The following TMOD2 variants were observed in gnomAD, a reference collection of about 807,000 sequenced individuals.
The protein encoded by TMOD2 is tropomodulin 2.
A neutral mutation model predicts 39.9 loss-of-function variants in TMOD2; 22 were observed. The ratio of observed to expected loss-of-function variants is 0.55; its 90% CI spans 0.39 to 0.79. The LOEUF is 0.79. Ranked by LOEUF, TMOD2 falls within the 30% of genes least tolerant of loss-of-function variation. The pLI, the probability that TMOD2 is intolerant of heterozygous loss-of-function variation, is 0.00. For missense variants in TMOD2, 386 were observed against 413.3 expected, an observed-to-expected ratio of 0.93 and a Z score of 0.57; for synonymous variants, 123 against 146.1, an observed-to-expected ratio of 0.84 and a Z score of 1.14.
chr15:51,774,494 C>T (rs936442786), intron 4 of TMOD2, among the ~76,000 whole-genome samples: 7 of 152,176 alleles, frequency 4.6e-5, no homozygotes, highest in African/African-American at 1.7e-4. Context: ...GATAGAGGTG[C>T]TTTAAAAACC....
intron 5 of TMOD2, among the ~76,000 whole-genome samples, chr15:51,778,189 G>A (rs566045465): frequency 6.6e-6 from 1 of 151,832 alleles, no homozygotes; most frequent in East Asian, 1.9e-4. Context: ...CCTTTGTAGG[G>A]ACATGGATGA....
chr15:51,778,886 A>T (rs2055909697), intron 5 of TMOD2, among the ~76,000 whole-genome samples: 2 of 151,908 alleles, frequency 1.3e-5, no homozygotes, highest in Non-Finnish European at 2.9e-5. Flanking sequence ...GACTTGGGAG[A>T]TGCTTTCTAA....
chr15:51,798,236 A>G lies in TMOD2; in HGVS notation c.772A>G (p.Ser258Gly). Residue 258 changes from serine to glycine, a missense_variant, in exon 8 of 10, where the codon AGT (serine) becomes GGT (glycine). Ser to Gly is a moderately conservative substitution (Grantham distance 56). Transcript: ENST00000249700. ...GCTGAAAGTAAACAAGACCTTGACA[A>G]GTCTAAACATAGAATCCAATTTTAT... is the stretch of plus-strand genomic sequence containing the variant. ...DMLKVNKTLT[S>G]LNIESNFITG... is the part of the protein sequence containing the mutation. 6.2e-7 allele frequency: 1 copy of G among 1,613,382 alleles called. No individual in the cohort carries two copies. Among genetic ancestry groups the G allele is most frequent in the South Asian group, 1.1e-5 (1 of 90,882 alleles).
At chr15:51,785,453 T>G (rs1595872077) in intron 7 of TMOD2, among the ~76,000 whole-genome samples, 1 of 142,886 alleles carries the variant, frequency 7.0e-6, no homozygotes, top group African/African-American at 2.6e-5. Context: ...ATGAAGAAAA[T>G]GTGGTATATA....
At chr15:51,776,873 A>T (rs2055892598) in intron 4 of TMOD2, 59 bp from the exon 5 acceptor site, 1 of 1,357,758 alleles carries the variant, frequency 7.4e-7, no homozygotes, top group Non-Finnish European at 1.1e-6. Context: ...ACAAATTAAC[A>T]ATGTGGACAT....
At chr15:51,803,920 T>C (rs1267121204) in intron 8 of TMOD2, among the ~76,000 whole-genome samples, 2 of 152,240 alleles carry the variant, frequency 1.3e-5, no homozygotes, top group African/African-American at 2.4e-5. Flanking sequence ...GAAAGAAATA[T>C]AAATTTTCAC....
At chr15:51,757,828 T>A (rs758653585) in intron 1 of TMOD2, among the ~76,000 whole-genome samples, 7 of 152,212 alleles carry the variant, frequency 4.6e-5, no homozygotes, top group Non-Finnish European at 1.0e-4. Context: ...GAATACTGCA[T>A]TCTTCTCCAC....
chr15:51,793,885 C>G (rs1483734202), intron 7 of TMOD2, among the ~76,000 whole-genome samples: 1 of 152,158 alleles, frequency 6.6e-6, no homozygotes, highest in Non-Finnish European at 1.5e-5. Context: ...CTGATGCATC[C>G]CTCTCTGATG....
At position 51,776,917 on chromosome 15, in the gene TMOD2, G is replaced by T; in HGVS notation, c.407-15G>T. Reference sequence around the variant, plus strand: ...GCTTCTCCAAACTTAATGCTCATTTGTTGACTGTTTTTAGCTGTCCTTGGA... The same window carrying T: ...GCTTCTCCAAACTTAATGCTCATTTTTTGACTGTTTTTAGCTGTCCTTGGA... On this transcript the variant is annotated splice_polypyrimidine_tract_variant and intron_variant, in intron 4 of 9. Coordinates refer to ENST00000249700, the MANE Select transcript of TMOD2 (RefSeq NM_014548.4). 6.2e-7 allele frequency: 1 copy of T among 1,610,740 alleles called. No homozygotes were observed. The highest frequency in any genetic ancestry group is 8.5e-7 in the Non-Finnish European group (1 of 1,177,086).
intron 1 of TMOD2, 83 bp downstream of exon 1, chr15:51,751,795 T>C (rs2141607474): frequency 6.6e-6 from 1 of 150,514 alleles, no homozygotes; most frequent in Admixed American, 6.6e-5. Flanking sequence ...GTGGCCGCCG[T>C]GCCCTCCCTG....
At chr15:51,758,012 C>T (rs528382576) in intron 1 of TMOD2, among the ~76,000 whole-genome samples, 1 of 151,978 alleles carries the variant, frequency 6.6e-6, no homozygotes, top group East Asian at 1.9e-4. Flanking sequence ...CTCAGGAGTA[C>T]AAGGCTGCAG....
intron 5 of TMOD2, among the ~76,000 whole-genome samples, chr15:51,779,834 T>A (rs1344839364): frequency 2.0e-5 from 3 of 151,964 alleles, no homozygotes; most frequent in Non-Finnish European, 1.5e-5. Flanking sequence ...GCATGAACCA[T>A]TACACCTGGC....
At chr15:51,758,346 T>G (rs1288004516) in intron 1 of TMOD2, among the ~76,000 whole-genome samples, 1 of 152,144 alleles carries the variant, frequency 6.6e-6, no homozygotes, top group Non-Finnish European at 1.5e-5. Flanking sequence ...GAACCATACA[T>G]GCAACATACA....
chr15:51,768,424 G>A lies in TMOD2; in HGVS notation c.283+6G>A, dbSNP rs369222852. The A allele has an allele frequency of 3.1e-6, 5 of 1,612,306 alleles. No individual in the cohort carries two copies. The highest frequency in any genetic ancestry group is 4.2e-6 in the Non-Finnish European group (5 of 1,179,498). On this transcript the variant is annotated splice_donor_region_variant and intron_variant, in intron 3 of 9. Coordinates refer to ENST00000249700, the MANE Select transcript of TMOD2 (RefSeq NM_014548.4). ...CTTCACTGGAGAAAAGAAAGGTAAG[G>A]ACCACAGGCAGAGCATCTTGGAACA...
At chr15:51,766,608 A>G (rs2055818251) in intron 2 of TMOD2, 41 bp downstream of exon 2, 3 of 1,595,506 alleles carry the variant, frequency 1.9e-6, no homozygotes, top group Non-Finnish European at 1.7e-6. Context: ...TAATGATAGT[A>G]TGGATAAATG....
Position 51,814,636 on chromosome 15 carries a change from A to G in TMOD2, c.*6182A>G, listed in dbSNP as rs895093619. Reference sequence around the variant, plus strand: ...CACCATGTGATATTTTTGAGAAACAATAGTGATTTGGATGCCAGCTCTATG... The same window carrying G: ...CACCATGTGATATTTTTGAGAAACAGTAGTGATTTGGATGCCAGCTCTATG... On this transcript the variant is annotated 3_prime_UTR_variant, in exon 10 of 10. Transcript: ENST00000249700. The G allele has an allele frequency of 4.6e-5, 7 of 152,226 alleles. No individual in the cohort carries two copies. Among genetic ancestry groups the G allele is most frequent in the South Asian group, 2.1e-4 (1 of 4,828 alleles). The allele number at this position is 152,226 out of a possible 1,614,324, so 9.4% of individuals were successfully genotyped here.
At chr15:51,807,957 C>T (rs1175216897) in intron 9 of TMOD2, among the ~76,000 whole-genome samples, 1 of 152,144 alleles carries the variant, frequency 6.6e-6, no homozygotes, top group African/African-American at 2.4e-5. Context: ...TAGGTTGATA[C>T]TTAGAAGTTT....
chr15:51,769,324 A>T (rs74973127), intron 3 of TMOD2, among the ~76,000 whole-genome samples: 4,279 of 152,274 alleles, frequency 0.028, 87 homozygotes, highest in Non-Finnish European at 0.044. Flanking sequence ...CATGTCCAGG[A>T]TGGCTCTAGC....
intron 7 of TMOD2, among the ~76,000 whole-genome samples, chr15:51,795,787 C>T (rs1359877977): frequency 1.3e-5 from 2 of 151,888 alleles, no homozygotes; most frequent in Admixed American, 6.6e-5. Flanking sequence ...CCAACTTGGT[C>T]TTCAGCCATG....
Sources: gnomAD v4.1 joint callset for allele counts (sites outside exome capture counted in the v4.1 genomes callset) on GRCh38, gnomAD v4.1.1 for gene constraint, MANE v1.5 for transcripts, NCBI Gene and HGNC (gene_info 2026-07-23, HGNC 2026-07-21) for gene names.